The following STX1A variants were observed in gnomAD, a reference collection of about 807,000 sequenced individuals.
STX1A encodes the protein syntaxin-1A.
Under a neutral mutation model 37.8 loss-of-function variants are expected in STX1A, and 4 were observed. That is an observed-to-expected ratio of 0.11 (90% CI 0.05 to 0.24). The LOEUF is 0.24. STX1A is among the 10% of genes least tolerant of loss of function. STX1A has a pLI of 1.00. For missense variants in STX1A, 251 were observed against 399.9 expected, an observed-to-expected ratio of 0.63 and a Z score of 3.18; for synonymous variants, 135 against 147.4, an observed-to-expected ratio of 0.92 and a Z score of 0.61.
Position 73,705,290 on chromosome 7 carries a change from C to T in STX1A, c.209-66G>A. On this transcript the variant is annotated intron_variant, in intron 3 of 9. Coordinates refer to ENST00000222812, the MANE Select transcript of STX1A (RefSeq NM_004603.4). This position sits in a 1 kb window ranked among gnomAD's most constrained non-coding sequence, Gnocchi z 5.2. The stretch of plus-strand genomic sequence containing the variant: ...CGCGGGGACTGATGTGCAGGCTCAG[C>T]CTCCAGCCCAGGGGGCCCAGTGGGA... 2 of 1,387,952 alleles carry T rather than the reference C, an allele frequency of 1.4e-6. No homozygotes were observed. The highest frequency in any genetic ancestry group is 2.0e-6 in the Non-Finnish European group (2 of 977,396). The allele number at this position is 1,387,952 out of a possible 1,614,324, so 86.0% of individuals were successfully genotyped here.
intron 1 of STX1A, among the ~76,000 whole-genome samples, chr7:73,714,982 G>A (rs532745189): frequency 2.6e-5 from 4 of 152,122 alleles, no homozygotes; most frequent in African/African-American, 7.2e-5. Flanking sequence ...AAAATTAGCC[G>A]GGTGTGATGG....
At chr7:73,716,982 T>C (rs547936477) in intron 1 of STX1A, among the ~76,000 whole-genome samples, 1 of 152,164 alleles carries the variant, frequency 6.6e-6, no homozygotes, top group African/African-American at 2.4e-5. Context: ...TGCGACAGCA[T>C]TGAGGCCCCC....
At position 73,700,161 on chromosome 7, in the gene STX1A, A is replaced by G. The variant is rs1156543492; in HGVS notation, c.*246T>C. 3 of 585,494 alleles carry G rather than the reference A, an allele frequency of 5.1e-6. No homozygotes were observed. Among genetic ancestry groups the G allele is most frequent in the South Asian group, 2.0e-5 (1 of 50,288 alleles). The allele number at this position is 585,494 out of a possible 1,614,324, so 36.3% of individuals were successfully genotyped here. A position where few individuals can be genotyped will look rare whatever the true frequency, so the allele number is the denominator to read the frequency against. ...TGCCTGGGTCTGCTCCTCGCTGTGC[A>G]CACTGCATCACGCCCCGCTGGCTGC... is the stretch of plus-strand genomic sequence containing the variant. On this transcript the variant is annotated 3_prime_UTR_variant, in exon 10 of 10. Coordinates refer to ENST00000222812, the MANE Select transcript of STX1A (RefSeq NM_004603.4). This position sits in a 1 kb window ranked among gnomAD's most constrained non-coding sequence, Gnocchi z 4.4.
At chr7:73,708,013 C>G (rs1201482694) in intron 3 of STX1A, among the ~76,000 whole-genome samples, 1 of 151,302 alleles carries the variant, frequency 6.6e-6, no homozygotes, top group Non-Finnish European at 1.5e-5. Flanking sequence ...TGCCTGTAAT[C>G]CCAGCACTTT....
At position 73,706,810 on chromosome 7, in the gene STX1A, C is replaced by T. The variant is rs561995325; in HGVS notation, c.209-1586G>A. ...ACACAGTGACCCAGATACCTCTGGG[C>T]GCACAGACATCCGTCTCATGCTGCC... is the stretch of plus-strand genomic sequence containing the variant. On this transcript the variant is annotated intron_variant, in intron 3 of 9. Coordinates refer to ENST00000222812, the MANE Select transcript of STX1A (RefSeq NM_004603.4). The surrounding 1 kb of genome is among the most constrained non-coding windows in gnomAD (Gnocchi z 4.6). 3.3e-5 allele frequency among the ~76,000 whole-genome samples: 5 copies of T among 152,308 alleles called. No homozygotes were observed. The highest frequency in any genetic ancestry group is 7.2e-5 in the African/African-American group (3 of 41,556).
chr7:73,703,497 A>G (rs1554616236), intron 7 of STX1A: 1 of 680,344 alleles, frequency 1.5e-6, no homozygotes, highest in Non-Finnish European at 2.7e-6. Flanking sequence ...CCCACGGATA[A>G]GAGGAGGAGC....
Position 73,709,019 on chromosome 7 carries a change from G to A in STX1A, c.108+26C>T. 1.2e-6 allele frequency: 2 copies of A among 1,613,510 alleles called. No homozygotes were observed. Among genetic ancestry groups the A allele is most frequent in the South Asian group, 2.2e-5 (2 of 91,074 alleles). ...CCCCCCAAGTTCTGCCAGTGTGCGGGAAGGGTGGGGTGTGCTGGCTCCCAC... is the reference window on the plus strand; with the variant it reads ...CCCCCCAAGTTCTGCCAGTGTGCGGAAAGGGTGGGGTGTGCTGGCTCCCAC... On this transcript the variant is annotated intron_variant, in intron 2 of 9. Coordinates refer to ENST00000222812, the MANE Select transcript of STX1A (RefSeq NM_004603.4). This position sits in a 1 kb window ranked among gnomAD's most constrained non-coding sequence, Gnocchi z 4.2.
chr7:73,708,806 C>T (rs13306789), intron 2 of STX1A, 118 bp from the exon 3 acceptor site: 100 of 1,155,648 alleles, frequency 8.7e-5, no homozygotes, highest in East Asian at 1.3e-4. Flanking sequence ...GGCCAGGCTC[C>T]GGGTGCTGGG....
Position 73,719,418 on chromosome 7 carries a change from C to T in STX1A, c.30+184G>A, listed in dbSNP as rs371481404. 7.9e-5 allele frequency among the ~76,000 whole-genome samples: 12 copies of T among 152,272 alleles called. No individual in the cohort carries two copies. In the East Asian group the frequency reaches 2.1e-3, roughly 27 times the overall value. ...GGCCGAGCTCACGCGAGCCTGACCC[C>T]GAGTGGGTCCGAGGGGCGGAACCCG... On this transcript the variant is annotated intron_variant, in intron 1 of 9. Coordinates refer to ENST00000222812, the MANE Select transcript of STX1A (RefSeq NM_004603.4).
At position 73,717,752 on chromosome 7, in the gene STX1A, G is replaced by T. The variant is rs1363534671; in HGVS notation, c.30+1850C>A. ...AAAGCCTGGCTTCACCATCTAATCA[G>T]GGGGCGAGGAGGTAGTAACAGAGAC... On this transcript the variant is annotated intron_variant, in intron 1 of 9. Transcript: ENST00000222812. The surrounding 1 kb of genome is among the most constrained non-coding windows in gnomAD (Gnocchi z 4.1). 1.3e-5 allele frequency among the ~76,000 whole-genome samples: 2 copies of T among 152,172 alleles called. No individual in the cohort carries two copies. The highest frequency in any genetic ancestry group is 2.9e-5 in the Non-Finnish European group (2 of 68,018).
At position 73,717,381 on chromosome 7, in the gene STX1A, T is replaced by C. The variant is rs1336252634; in HGVS notation, c.30+2221A>G. On this transcript the variant is annotated intron_variant, in intron 1 of 9. Transcript: ENST00000222812. The surrounding 1 kb of genome is among the most constrained non-coding windows in gnomAD (Gnocchi z 4.1). ...TCTGGGGATTCTGGGCTGAAAATTC[T>C]GACTCCTGGGGCTTCAGGCCTCCTA... is the stretch of plus-strand genomic sequence containing the variant. Among the ~76,000 whole-genome samples, 1 of 152,170 alleles carries C rather than the reference T, an allele frequency of 6.6e-6. No individual in the cohort carries two copies. Among genetic ancestry groups the C allele is most frequent in the Non-Finnish European group, 1.5e-5 (1 of 68,012 alleles).
rs1404849580 is a variant in STX1A, at chr7:73,700,674, T to C, written c.789+56A>G. 1.2e-6 allele frequency: 2 copies of C among 1,603,692 alleles called. No individual in the cohort carries two copies. The highest frequency in any genetic ancestry group is 1.7e-5 in the Admixed American group (1 of 59,466). The stretch of plus-strand genomic sequence containing the variant: ...TGGGATGGGGAGGGATGTGGGATGG[T>C]TGGGGGTCCCTAATGGGTGCTGGGG... On this transcript the variant is annotated intron_variant, in intron 9 of 9. Coordinates refer to ENST00000222812, the MANE Select transcript of STX1A (RefSeq NM_004603.4). The surrounding 1 kb of genome is among the most constrained non-coding windows in gnomAD (Gnocchi z 4.4).
At chr7:73,715,017 C>T (rs1281788833) in intron 1 of STX1A, among the ~76,000 whole-genome samples, 2 of 151,720 alleles carry the variant, frequency 1.3e-5, no homozygotes, top group East Asian at 1.9e-4. Context: ...CCCAGCTACT[C>T]GGTAGGATGA....
intron 1 of STX1A, among the ~76,000 whole-genome samples, chr7:73,716,225 G>A (rs868912461): frequency 3.9e-5 from 6 of 152,232 alleles, no homozygotes; most frequent in Non-Finnish European, 7.3e-5. Flanking sequence ...AGCCCTGTCC[G>A]GCTCCTGTTC....
chr7:73,707,791 C>A (rs550314247), intron 3 of STX1A, among the ~76,000 whole-genome samples: 2 of 151,542 alleles, frequency 1.3e-5, no homozygotes, highest in Non-Finnish European at 2.9e-5. Flanking sequence ...AAAAATTAGC[C>A]GGGCGTGGTG....
chr7:73,704,173 G>C lies in STX1A; in HGVS notation c.441C>G (p.Gly147=). 1 of 1,612,268 alleles carries C rather than the reference G, an allele frequency of 6.2e-7. No homozygotes were observed. The highest frequency in any genetic ancestry group is 1.1e-5 in the South Asian group (1 of 91,076). The change falls in exon 6 of 10, where the codon GGC becomes GGG. Residue 147 remains glycine (G), a synonymous_variant. Transcript: ENST00000222812. ...TGATCTCCAGCTGCCTCTGGATGCG[G>C]CCTTTGCAGCGCTCGCGGTAGTCGG... is the stretch of plus-strand genomic sequence containing the variant. ...TQSDYRERCK[G]RIQRQLEITG...
In STX1A at chr7:73,702,658, G is replaced by A. The variant is rs1798702662; in HGVS notation, c.678+187C>T. 2 of 1,455,238 alleles carry A rather than the reference G, an allele frequency of 1.4e-6. No homozygotes were observed. Among genetic ancestry groups the A allele is most frequent in the African/African-American group, 1.4e-5 (1 of 70,512 alleles). The allele number at this position is 1,455,238 out of a possible 1,614,324, so 90.1% of individuals were successfully genotyped here. On this transcript the variant is annotated intron_variant, in intron 8 of 9. Transcript: ENST00000222812. The surrounding 1 kb of genome is among the most constrained non-coding windows in gnomAD (Gnocchi z 4.7). ...CTGGGGTCCTTGAAGCTCAAGCAGA[G>A]CCATGCAGAGGACAGGGACCTTCGG...
rs1554616960 is a variant in STX1A at position 73,706,315 on chromosome 7, T to A, written c.209-1091A>T. Among the ~76,000 whole-genome samples the A allele has an allele frequency of 6.6e-6, 1 of 152,098 alleles. No individual in the cohort carries two copies. The highest frequency in any genetic ancestry group is 1.9e-4 in the East Asian group (1 of 5,186). On this transcript the variant is annotated intron_variant, in intron 3 of 9. Coordinates refer to ENST00000222812, the MANE Select transcript of STX1A (RefSeq NM_004603.4). This position sits in a 1 kb window ranked among gnomAD's most constrained non-coding sequence, Gnocchi z 4.6. ...CTCATCCGTAGGAACAAAGGAAAAG[T>A]CGGTTACCAGCTGCTCTGACGTCTC...
chr7:73,703,121 G>A (rs1234285568), intron 7 of STX1A, 139 bp from the exon 8 acceptor site: 10 of 725,308 alleles, frequency 1.4e-5, no homozygotes, highest in Admixed American at 2.8e-5. Context: ...AGCCTTCCCC[G>A]CCTTGCTACC....
Sources: gnomAD v4.1 joint callset for allele counts (sites outside exome capture counted in the v4.1 genomes callset) on GRCh38, gnomAD v4.1.1 for gene constraint, Gnocchi (gnomAD v3.1) non-coding constraint, MANE v1.5 for transcripts, NCBI Gene and HGNC (gene_info 2026-07-23, HGNC 2026-07-21) for gene names.